Variants in UGT1A7 observed in about 807,000 individuals in gnomAD.
UGT1A7 encodes UDP-glucuronosyltransferase 1A7.
Under a neutral mutation model 45.6 loss-of-function variants are expected in UGT1A7, and 33 were observed. The observed-to-expected ratio is 0.72, with a 90% CI of 0.55 to 0.97. The LOEUF (loss-of-function observed/expected upper bound fraction) is 0.97, where lower values mean the gene tolerates loss of function less well. Ranked by LOEUF, UGT1A7 falls within the 50% of genes least tolerant of loss-of-function variation. UGT1A7 has a pLI of 0.00. For missense variants in UGT1A7, 684 were observed against 666.2 expected (o/e 1.03, Z -0.29); for synonymous variants, 274 against 250.6 (o/e 1.09, Z -0.88).
intron 1 of UGT1A7, chr2:233,689,935 C>T: frequency 2.2e-6 from 1 of 456,550 alleles, no homozygotes; most frequent in Non-Finnish European, 4.4e-6. Context: ...TCGAAAGAAC[C>T]CAAGATTTTC....
intron 1 of UGT1A7, among the ~76,000 whole-genome samples, chr2:233,744,210 A>G (rs564002534): frequency 6.6e-6 from 1 of 151,916 alleles, no homozygotes; most frequent in South Asian, 2.1e-4. Flanking sequence ...TGGGAAAAAG[A>G]GGTTGGGGAA....
At position 233,682,254 on chromosome 2, in the gene UGT1A7, T is replaced by A; in HGVS notation, c.317T>A (p.Phe106Tyr). Reference protein sequence around the residue: ...ARWTAPLRSAFSLLTSSSNGI... With the variant: ...ARWTAPLRSAYSLLTSSSNGI... ...TGGACGGCACCATTGCGAAGTGCAT[T>A]TTCTCTATTAACAAGTTCATCCAAT... Residue 106 changes from phenylalanine (F) to tyrosine (Y), a missense_variant, in exon 1 of 5, where the codon TTT becomes TAT. Coordinates refer to ENST00000373426, the MANE Select transcript of UGT1A7 (RefSeq NM_019077.3). 1.2e-6 allele frequency: 2 copies of A among 1,614,188 alleles called. No homozygotes were observed. Among genetic ancestry groups the A allele is most frequent in the South Asian group, 1.1e-5 (1 of 91,086 alleles).
Position 233,737,292 on chromosome 2 carries a change from G to A in UGT1A7, c.856-29742G>A, listed in dbSNP as rs573133918. On this transcript the variant is annotated intron_variant, in intron 1 of 4. Transcript: ENST00000373426. ...ACACCCCTCACCCAGCCAGGCTGCC[G>A]CCTCACAGTTCAATCTCAGACTGCT... Among the ~76,000 whole-genome samples, 15 of 152,312 alleles carry A rather than the reference G, an allele frequency of 9.8e-5. No homozygotes were observed. The East Asian group carries it at 1.7e-3, about 18-fold the overall frequency.
chr2:233,759,599 A>ACCCCCCCCCCCCCCC (rs1553620419), intron 1 of UGT1A7, among the ~76,000 whole-genome samples: 9 of 108,734 alleles, frequency 8.3e-5, no homozygotes, highest in African/African-American at 2.3e-4. Flanking sequence ...CCCACCCCCG[A>ACCCCCCCCCCCCCCC]CCCGCCCCAC....
chr2:233,721,886 T>C (rs1215447049), intron 1 of UGT1A7: 3 of 486,690 alleles, frequency 6.2e-6, no homozygotes, highest in Non-Finnish European at 1.2e-5. Flanking sequence ...AGCCCCTCCA[T>C]TGCAATATCG....
chr2:233,767,688 C>T (rs1214650284), intron 2 of UGT1A7, among the ~76,000 whole-genome samples, 161 bp from the exon 3 acceptor site: 2 of 152,144 alleles, frequency 1.3e-5, no homozygotes, highest in Non-Finnish European at 2.9e-5. Context: ...AACAAGATGC[C>T]GGAAGTTGCC....
intron 1 of UGT1A7, among the ~76,000 whole-genome samples, chr2:233,736,128 G>A (rs1042776014): frequency 2.0e-5 from 3 of 152,068 alleles, no homozygotes; most frequent in Non-Finnish European, 4.4e-5. Flanking sequence ...TCCATTCTCC[G>A]CATCACTTTC....
At chr2:233,766,075 T>C (rs1699041647) in intron 1 of UGT1A7, among the ~76,000 whole-genome samples, 1 of 152,186 alleles carries the variant, frequency 6.6e-6, no homozygotes, top group Non-Finnish European at 1.5e-5. Context: ...CCCTCTACCT[T>C]GTCGCAAGGA....
At chr2:233,737,065 T>C (rs1559381236) in intron 1 of UGT1A7, among the ~76,000 whole-genome samples, 1 of 152,236 alleles carries the variant, frequency 6.6e-6, no homozygotes, top group African/African-American at 2.4e-5. Context: ...ACGAGTGCTC[T>C]CTTCAGAGCT....
chr2:233,765,208 G>C (rs1325678271), intron 1 of UGT1A7, among the ~76,000 whole-genome samples: 1 of 152,132 alleles, frequency 6.6e-6, no homozygotes, highest in Non-Finnish European at 1.5e-5. Flanking sequence ...AGTGCCCTCA[G>C]TATTCTTTGC....
Position 233,682,722 on chromosome 2 carries a change from C to G in UGT1A7, c.785C>G (p.Pro262Arg), listed in dbSNP as rs1213515769. Residue 262 changes from proline (P) to arginine (R), a missense_variant, in exon 1 of 5, where the codon CCC becomes CGC. By Grantham distance (103) the Pro-to-Arg change is moderately radical (BLOSUM62 -2). Coordinates refer to ENST00000373426, the MANE Select transcript of UGT1A7 (RefSeq NM_019077.3). ...LLRTDFVLEY[P>R]KPVMPNMIFI... ...CGAACTGACTTTGTTTTGGAGTATC[C>G]CAAACCCGTGATGCCCAATATGATC... is the stretch of plus-strand genomic sequence containing the variant. 8 of 1,613,716 alleles carry G rather than the reference C, an allele frequency of 5.0e-6. No individual in the cohort carries two copies. Among genetic ancestry groups the G allele is most frequent in the Non-Finnish European group, 6.8e-6 (8 of 1,179,800 alleles).
intron 1 of UGT1A7, chr2:233,747,623 G>A: frequency 6.3e-7 from 1 of 1,577,752 alleles, no homozygotes; most frequent in Non-Finnish European, 8.7e-7. Flanking sequence ...ATGAGGCCCT[G>A]ATCAGGCACC....
chr2:233,769,913 C>T lies in UGT1A7; in HGVS notation c.1295+1474C>T, dbSNP rs1699980310. 1.3e-5 allele frequency: 4 copies of T among 297,694 alleles called. No homozygotes were observed. The highest frequency in any genetic ancestry group is 6.9e-5 in the East Asian group (1 of 14,586). 18.4% of individuals were successfully genotyped at this position (297,694 alleles called of 1,614,324 possible). ...TAACCTGAGCATCATGTGCCCAGAG[C>T]GTTGGGTGGTGTGGTCCCATTCCTT... On this transcript the variant is annotated intron_variant, in intron 4 of 4. Transcript: ENST00000373426. The surrounding 1 kb of genome is among the most constrained non-coding windows in gnomAD (Gnocchi z 4.4).
intron 1 of UGT1A7, chr2:233,729,903 G>C (rs2077945503): frequency 6.2e-7 from 1 of 1,613,906 alleles, no homozygotes; most frequent in East Asian, 2.2e-5. Flanking sequence ...TGTTCCGAGG[G>C]GACTTTGTGA....
At chr2:233,689,906 T>A in intron 1 of UGT1A7, 1 of 456,754 alleles carries the variant, frequency 2.2e-6, no homozygotes, top group South Asian at 1.5e-5. Flanking sequence ...CAGGGCCAGG[T>A]AGGTGCCTGG....
chr2:233,739,271 C>T lies in UGT1A7; in HGVS notation c.856-27763C>T, dbSNP rs541301086. ...GTGGTAAAGAAATGTGAGGTTGGAG[C>T]CCCCACACAGAGTCTCCACTGGGGC... On this transcript the variant is annotated intron_variant, in intron 1 of 4. Coordinates refer to ENST00000373426, the MANE Select transcript of UGT1A7 (RefSeq NM_019077.3). Among the ~76,000 whole-genome samples, 6 of 152,262 alleles carry T rather than the reference C, an allele frequency of 3.9e-5. No individual in the cohort carries two copies. The East Asian group carries it at 1.2e-3, about 29-fold the overall frequency.
intron 1 of UGT1A7, among the ~76,000 whole-genome samples, chr2:233,704,117 C>T (rs2075768191): frequency 6.6e-6 from 1 of 151,996 alleles, no homozygotes; most frequent in South Asian, 2.1e-4. Flanking sequence ...TCTCAAACTC[C>T]TTACCTCAAG....
chr2:233,748,192 G>A, intron 1 of UGT1A7: 1 of 1,554,576 alleles, frequency 6.4e-7, no homozygotes, highest in South Asian at 1.2e-5. Flanking sequence ...TTTTATTTCT[G>A]CTTGTCGTAA....
In UGT1A7 at chr2:233,712,940, C is replaced by T. The variant is rs367897859; in HGVS notation, c.855+30148C>T. 1.2e-4 allele frequency: 197 copies of T among 1,612,272 alleles called. 1 individual carries two copies. Among genetic ancestry groups the T allele is most frequent in the Admixed American group, 2.3e-4 (14 of 59,994 alleles). ...GGTAATTAAGACGAAGGAAACAATTCTAGGAGGCACAACGTGGGGTGGACA... is the reference window on the plus strand; with the variant it reads ...GGTAATTAAGACGAAGGAAACAATTTTAGGAGGCACAACGTGGGGTGGACA... On this transcript the variant is annotated intron_variant, in intron 1 of 4. Transcript: ENST00000373426.
Sources: gnomAD v4.1 joint callset for allele counts (sites outside exome capture counted in the v4.1 genomes callset) on GRCh38, gnomAD v4.1.1 for gene constraint, Gnocchi (gnomAD v3.1) non-coding constraint, MANE v1.5 for transcripts, NCBI Gene and HGNC (gene_info 2026-07-23, HGNC 2026-07-21) for gene names.